Variants in GPM6A observed in about 807,000 individuals in gnomAD.
The protein encoded by GPM6A is glycoprotein M6A.
A neutral mutation model predicts 32.1 loss-of-function variants in GPM6A; 7 were observed. That is an observed-to-expected ratio of 0.22 (90% confidence interval 0.12 to 0.41). The LOEUF is 0.41. GPM6A is among the 10% of genes least tolerant of loss of function. The pLI is 1.00. For missense variants in GPM6A, 235 were observed against 347.2 expected, an observed-to-expected ratio of 0.68 and a Z score of 2.57; for synonymous variants, 130 against 123.4, an observed-to-expected ratio of 1.05 and a Z score of -0.35.
intron 1 of GPM6A, among the ~76,000 whole-genome samples, chr4:175,879,556 C>A (rs1033037355): frequency 1.3e-5 from 2 of 152,112 alleles, no homozygotes; most frequent in Non-Finnish European, 2.9e-5. Context: ...AACTCATTCA[C>A]TATCATGAGA....
chr4:175,799,671 CTTTTT>C (rs374571140), intron 1 of GPM6A, among the ~76,000 whole-genome samples: 2 of 122,090 alleles, frequency 1.6e-5, no homozygotes, highest in Admixed American at 9.0e-5. Context: ...CAAGTGTTTT[CTTTTT>C]TTTTTTTTTG....
chr4:175,723,963 G>T (rs1446962184), intron 1 of GPM6A, among the ~76,000 whole-genome samples: 6 of 152,004 alleles, frequency 3.9e-5, no homozygotes, highest in African/African-American at 1.5e-4. Flanking sequence ...TCACTACTGG[G>T]TATATACTCA....
At chr4:175,812,672 T>G (rs1175222478), upstream of GPM6A, 7 of 987,754 alleles carry the variant, frequency 7.1e-6, no homozygotes, top group Admixed American at 4.3e-4. Flanking sequence ...GGAAACAGGC[T>G]GAGCTGTGAA....
chr4:175,649,319 A>G (rs1336721284), intron 4 of GPM6A, among the ~76,000 whole-genome samples: 1 of 152,198 alleles, frequency 6.6e-6, no homozygotes, highest in Non-Finnish European at 1.5e-5. Flanking sequence ...AAATTAGGTT[A>G]ATTTGGGGAT....
intron 3 of GPM6A, among the ~76,000 whole-genome samples, chr4:175,655,725 A>T (rs113213425): frequency 2.5e-4 from 38 of 152,230 alleles, no homozygotes; most frequent in African/African-American, 8.9e-4. Context: ...AAATGATAAA[A>T]GTACTACTGA....
At chr4:175,854,913 T>C (rs1308154968) in intron 1 of GPM6A, among the ~76,000 whole-genome samples, 2 of 152,176 alleles carry the variant, frequency 1.3e-5, no homozygotes, top group African/African-American at 2.4e-5. Flanking sequence ...GAGCTAGAAA[T>C]AGTAGTGTTT....
rs771590970 is a variant in GPM6A at position 175,634,974 on chromosome 4, C to T, written c.768G>A (p.Ser256=). The stretch of plus-strand genomic sequence containing the variant: ...TGTCATGAAGCTCTTGCTCTTCCTT[C>T]GACTTGATGTCTTCATACTTCTGCA... ...CRMQKYEDIK[S]KEEQELHDIH... is the part of the protein sequence containing the mutation. Residue 256 remains serine (S), a synonymous_variant, in exon 7 of 7, where the codon TCG becomes TCA. Transcript: ENST00000393658. The T allele has an allele frequency of 9.9e-6, 16 of 1,613,674 alleles. No individual in the cohort carries two copies. In the Admixed American group the frequency reaches 1.0e-4, roughly 10 times the overall value.
rs979976633 is a variant in GPM6A at position 175,851,395 on chromosome 4, G to A, written c.-22-39146C>T. On this transcript the variant is annotated intron_variant, in intron 1 of 7. Coordinates refer to the GPM6A transcript ENST00000280187. Reference sequence around the variant, plus strand: ...AGCTACTCTGGAGGCTGAGGGAGGAGAATCATTTGAACTCAGGAGGCAGAG... The same window carrying A: ...AGCTACTCTGGAGGCTGAGGGAGGAAAATCATTTGAACTCAGGAGGCAGAG... 2.7e-5 allele frequency among the ~76,000 whole-genome samples: 4 copies of A among 149,776 alleles called. No homozygotes were observed. In the South Asian group the frequency reaches 8.6e-4, roughly 32 times the overall value.
At chr4:175,946,406 T>C (rs1402304843) in intron 1 of GPM6A, among the ~76,000 whole-genome samples, 1 of 152,204 alleles carries the variant, frequency 6.6e-6, no homozygotes, top group Admixed American at 6.5e-5. Flanking sequence ...CATGAAAAGA[T>C]GCATAAATCT....
chr4:175,771,797 A>G (rs1423230892), intron 1 of GPM6A, among the ~76,000 whole-genome samples: 1 of 152,170 alleles, frequency 6.6e-6, no homozygotes, highest in African/African-American at 2.4e-5. Flanking sequence ...TGGGTGGTGA[A>G]CAAAGCAGGC....
rs36001392 is a variant in GPM6A, at chr4:175,728,003, CAAAAAAA to C, written c.38-26243_38-26237del. On this transcript the variant is annotated intron_variant, in intron 1 of 6. Coordinates refer to ENST00000393658, the MANE Select transcript of GPM6A (RefSeq NM_201591.3). ...TGGGTGACAGAGCGAGACTCCGTTT[CAAAAAAA>C]AAAAAAAAAAAAAACTTACCGGTTT... 1.0e-4 allele frequency among the ~76,000 whole-genome samples: 10 copies of C among 97,032 alleles called. No homozygotes were observed. In the East Asian group the frequency reaches 1.6e-3, roughly 16 times the overall value. 63.7% of individuals were successfully genotyped at this position (97,032 alleles called of 152,430 possible).
chr4:175,637,599 G>T (rs1395851296), intron 6 of GPM6A, among the ~76,000 whole-genome samples: 3 of 108,626 alleles, frequency 2.8e-5, no homozygotes, highest in African/African-American at 7.5e-5. Flanking sequence ...TATATATTAT[G>T]TAAAATATAT....
chr4:175,874,112 C>T (rs1485772367), intron 1 of GPM6A, among the ~76,000 whole-genome samples: 2 of 152,014 alleles, frequency 1.3e-5, no homozygotes, highest in Non-Finnish European at 2.9e-5. Context: ...TGAGGCAGCA[C>T]CAGGGAAACA....
chr4:175,705,008 G>A (rs747776562), intron 1 of GPM6A, among the ~76,000 whole-genome samples: 10 of 152,078 alleles, frequency 6.6e-5, no homozygotes, highest in East Asian at 1.9e-4. Flanking sequence ...ATTCAGGGTC[G>A]GTTTCACTTA....
intron 1 of GPM6A, among the ~76,000 whole-genome samples, chr4:175,897,623 ACGTTAGAGAC>A (rs1737837595): frequency 6.6e-6 from 1 of 152,158 alleles, no homozygotes; most frequent in African/African-American, 2.4e-5. Flanking sequence ...AACTGTAAAA[ACGTTAGAGAC>A]CCATTCTTTG....
Position 175,812,252 on chromosome 4 carries a change from G to A in GPM6A, c.-25C>T. ...TGGCTACCTTTCTTCAGTAGAATCTGGTACACGGAATTAATCAAAAGCTCA... is the reference window on the plus strand; with the variant it reads ...TGGCTACCTTTCTTCAGTAGAATCTAGTACACGGAATTAATCAAAAGCTCA... On this transcript the variant is annotated 5_prime_UTR_variant, in exon 1 of 7. Coordinates refer to ENST00000393658, the MANE Select transcript of GPM6A (RefSeq NM_201591.3). 6.9e-7 allele frequency: 1 copy of A among 1,440,558 alleles called. No individual in the cohort carries two copies. Among genetic ancestry groups the A allele is most frequent in the Non-Finnish European group, 9.2e-7 (1 of 1,084,636 alleles). 89.2% of individuals were successfully genotyped at this position (1,440,558 alleles called of 1,614,324 possible).
intron 1 of GPM6A, among the ~76,000 whole-genome samples, chr4:175,947,355 C>T (rs1739642756): frequency 6.6e-6 from 1 of 152,026 alleles, no homozygotes; most frequent in African/African-American, 2.4e-5. Context: ...CATTTAAAGA[C>T]ACTATCTTAA....
chr4:175,692,663 CA>C (rs1329932398), intron 2 of GPM6A, among the ~76,000 whole-genome samples: 1 of 151,878 alleles, frequency 6.6e-6, no homozygotes, highest in Non-Finnish European at 1.5e-5. Flanking sequence ...TCAATGAATA[CA>C]ATTTTAATTT....
chr4:175,791,351 A>G (rs1734006523), intron 1 of GPM6A, among the ~76,000 whole-genome samples: 1 of 152,208 alleles, frequency 6.6e-6, no homozygotes, highest in African/African-American at 2.4e-5. Flanking sequence ...AAGCATAGAC[A>G]TGGAACTCTA....
Sources: gnomAD v4.1 joint callset for allele counts (sites outside exome capture counted in the v4.1 genomes callset) on GRCh38, gnomAD v4.1.1 for gene constraint, MANE v1.5 for transcripts, NCBI Gene and HGNC (gene_info 2026-07-23, HGNC 2026-07-21) for gene names.